MAGI2: variants seen among roughly 807,000 people sequenced by gnomAD.
MAGI2 encodes membrane-associated guanylate kinase, WW and PDZ domain-containing protein 2.
In MAGI2, 35 loss-of-function variants were observed where a neutral mutation model predicts 133.3. That is an observed-to-expected ratio of 0.26 (90% CI 0.20 to 0.35). The LOEUF (loss-of-function observed/expected upper bound fraction) is 0.35, where lower values mean the gene tolerates loss of function less well. Among genes scored for constraint, MAGI2 ranks in the 10% least tolerant of loss-of-function variants. The pLI, the probability that MAGI2 is intolerant of heterozygous loss-of-function variation, is 1.00. For synonymous variants in MAGI2, 729 were observed against 710.6 expected (o/e 1.03, Z -0.41); for missense variants, 1,636 against 1,863.4 (o/e 0.88, Z 2.25).
At chr7:78,316,186 G>A (rs1787394023) in intron 9 of MAGI2, among the ~76,000 whole-genome samples, 1 of 152,168 alleles carries the variant, frequency 6.6e-6, no homozygotes, top group Non-Finnish European at 1.5e-5. Flanking sequence ...ATGTAAAGGT[G>A]TCACTCAATA....
At chr7:78,814,097 T>G (rs1241288563) in intron 2 of MAGI2, among the ~76,000 whole-genome samples, 7 of 152,070 alleles carry the variant, frequency 4.6e-5, no homozygotes, top group Non-Finnish European at 2.9e-5. Flanking sequence ...AAGAGAGAGA[T>G]ATATAAAAAT....
At chr7:78,703,073 G>A (rs1197535586) in intron 2 of MAGI2, among the ~76,000 whole-genome samples, 1 of 151,866 alleles carries the variant, frequency 6.6e-6, no homozygotes, top group Admixed American at 6.6e-5. Context: ...GAAAAGGCAT[G>A]GCCAAAGTTA....
At chr7:78,275,661 A>C (rs1794989720) in intron 9 of MAGI2, among the ~76,000 whole-genome samples, 1 of 152,172 alleles carries the variant, frequency 6.6e-6, no homozygotes, top group Admixed American at 6.5e-5. Flanking sequence ...AAACAATGAA[A>C]ATGATTTTAA....
At chr7:78,593,217 C>A (rs1027207503) in intron 3 of MAGI2, among the ~76,000 whole-genome samples, 2 of 151,652 alleles carry the variant, frequency 1.3e-5, no homozygotes, top group African/African-American at 4.9e-5. Context: ...ACGGTGAAAC[C>A]CTGTCTCTAC....
At chr7:79,325,031 G>A (rs1488070570) in intron 1 of MAGI2, among the ~76,000 whole-genome samples, 1 of 151,872 alleles carries the variant, frequency 6.6e-6, no homozygotes, top group Non-Finnish European at 1.5e-5. Flanking sequence ...TCTATAAGAT[G>A]AGAGACAAAT....
At chr7:78,549,140 A>G (rs533250327) in intron 3 of MAGI2, among the ~76,000 whole-genome samples, 26 of 152,316 alleles carry the variant, frequency 1.7e-4, no homozygotes, top group African/African-American at 5.8e-4. Flanking sequence ...CTCTTGGTAA[A>G]CAAAAAATTG....
At position 78,702,547 on chromosome 7, in the gene MAGI2, A is replaced by T. The variant is rs1285924111; in HGVS notation, c.419-75308T>A. ...AGATTAAGTGACTTAATACATGTGAAATAATTAGAACAATGATAGAGATTA... is the reference window on the plus strand; with the variant it reads ...AGATTAAGTGACTTAATACATGTGATATAATTAGAACAATGATAGAGATTA... On this transcript the variant is annotated intron_variant, in intron 2 of 21. Coordinates refer to ENST00000354212, the MANE Select transcript of MAGI2 (RefSeq NM_012301.4). Among the ~76,000 whole-genome samples the T allele has an allele frequency of 5.3e-5, 8 of 152,144 alleles. No homozygotes were observed. In the East Asian group the frequency reaches 1.5e-3, roughly 29 times the overall value.
chr7:78,375,710 G>A (rs544780357), intron 6 of MAGI2, among the ~76,000 whole-genome samples: 1 of 152,182 alleles, frequency 6.6e-6, no homozygotes, highest in African/African-American at 2.4e-5. Context: ...TATGGTAATA[G>A]CTACTTATTA....
At chr7:79,396,771 C>T (rs1845088291) in intron 1 of MAGI2, among the ~76,000 whole-genome samples, 1 of 152,022 alleles carries the variant, frequency 6.6e-6, no homozygotes, top group South Asian at 2.1e-4. Context: ...GAGCCTAATA[C>T]GTATTACTTT....
intron 9 of MAGI2, among the ~76,000 whole-genome samples, chr7:78,291,911 T>C (rs532287881): frequency 1.3e-5 from 2 of 152,166 alleles, no homozygotes; most frequent in Admixed American, 6.5e-5. Flanking sequence ...CTCAATAAAC[T>C]AGGTACCAAT....
rs2150537510 is a variant in MAGI2, at chr7:78,135,122, G to A, written c.2930C>T (p.Ala977Val). 6.2e-7 allele frequency: 1 copy of A among 1,614,096 alleles called. No individual in the cohort carries two copies. The highest frequency in any genetic ancestry group is 8.5e-7 in the Non-Finnish European group (1 of 1,179,966). ...AKLKVGDRIL[A>V]VNGQSIINMP... ...GTTGATGATAGACTGGCCATTCACT[G>A]CTAGGATCCGGTCTCCCACTTTTAG... The change falls in exon 17 of 22, where the codon GCA becomes GTA. Residue 977 changes from alanine (A) to valine (V), a missense_variant. By Grantham distance (64) the Ala-to-Val change is moderately conservative. Coordinates refer to ENST00000354212, the MANE Select transcript of MAGI2 (RefSeq NM_012301.4).
At chr7:78,875,708 T>A (rs1795364611) in intron 2 of MAGI2, among the ~76,000 whole-genome samples, 1 of 151,834 alleles carries the variant, frequency 6.6e-6, no homozygotes, top group African/African-American at 2.4e-5. Context: ...AAAGAATGAG[T>A]AGTGACCCAC....
Position 79,279,579 on chromosome 7 carries a change from G to A in MAGI2, c.301+173441C>T, listed in dbSNP as rs117885827. The stretch of plus-strand genomic sequence containing the variant: ...AGCACTTTGAAAGGCCCAAGTGGGA[G>A]AATCACTTGAGCCCAGGAGGTCAAA... On this transcript the variant is annotated intron_variant, in intron 1 of 21. Coordinates refer to ENST00000354212, the MANE Select transcript of MAGI2 (RefSeq NM_012301.4). Among the ~76,000 whole-genome samples the A allele has an allele frequency of 4.2e-4, 64 of 152,252 alleles. No homozygotes were observed. In the East Asian group the frequency reaches 0.012, roughly 28 times the overall value.
intron 1 of MAGI2, among the ~76,000 whole-genome samples, chr7:79,214,833 A>T (rs848812): frequency 1.2e-4 from 17 of 144,164 alleles, no homozygotes; most frequent in Non-Finnish European, 2.4e-4. Flanking sequence ...ATAAATTATA[A>T]AATTATAAAA....
intron 16 of MAGI2, among the ~76,000 whole-genome samples, chr7:78,156,554 C>T (rs759997109): frequency 6.6e-6 from 1 of 152,044 alleles, no homozygotes; most frequent in Non-Finnish European, 1.5e-5. Flanking sequence ...ACATATTCAT[C>T]GAACTCTCAT....
At chr7:78,175,724 C>T (rs947487605) in intron 14 of MAGI2, among the ~76,000 whole-genome samples, 3 of 152,126 alleles carry the variant, frequency 2.0e-5, no homozygotes, top group Non-Finnish European at 4.4e-5. Flanking sequence ...GAGTCTTGGG[C>T]AGAGGTGGCA....
intron 2 of MAGI2, among the ~76,000 whole-genome samples, chr7:78,837,512 T>C (rs1791742051): frequency 6.6e-6 from 1 of 152,244 alleles, no homozygotes; most frequent in Admixed American, 6.5e-5. Context: ...ATAGCAAGCT[T>C]ATTTGGAGAC....
chr7:78,500,153 T>C (rs539474899), intron 5 of MAGI2, among the ~76,000 whole-genome samples: 2 of 152,348 alleles, frequency 1.3e-5, no homozygotes, highest in Non-Finnish European at 2.9e-5. Flanking sequence ...CCTGATTATG[T>C]AGTCCCTTGG....
At chr7:78,336,371 A>G (rs182985085) in intron 9 of MAGI2, among the ~76,000 whole-genome samples, 1 of 152,276 alleles carries the variant, frequency 6.6e-6, no homozygotes, top group East Asian at 1.9e-4. Flanking sequence ...AGAGGTAGCG[A>G]CCACTGAAAG....
Sources: allele counts gnomAD v4.1 joint callset (sites outside exome capture counted in the v4.1 genomes callset), GRCh38; gene constraint gnomAD v4.1.1; transcripts MANE v1.5; gene names NCBI Gene and HGNC (gene_info 2026-07-23, HGNC 2026-07-21).